Variants in PTP4A1 observed in about 807,000 individuals in gnomAD.
PTP4A1 encodes the protein protein tyrosine phosphatase type IVA 1.
PTP4A1 carries 9 observed loss-of-function variants against 20.5 expected under a neutral mutation model. The observed-to-expected ratio is 0.44, with a 90% confidence interval of 0.26 to 0.77. The LOEUF is 0.77. PTP4A1 is among the 30% of genes least tolerant of loss of function. The pLI is 0.19. For missense variants in PTP4A1, 137 were observed against 218.8 expected (o/e 0.63, Z 2.36); for synonymous variants, 78 against 67.4 (o/e 1.16, Z -0.77).
At chr6:63,559,570 C>A (rs1776846254) in intron 3 of PTP4A1, among the ~76,000 whole-genome samples, 1 of 151,988 alleles carries the variant, frequency 6.6e-6, no homozygotes, top group Non-Finnish European at 1.5e-5. Context: ...CATGGTGAAA[C>A]CCTGTCTCTA....
At chr6:63,520,662 TA>T (rs1458680527), upstream of PTP4A1, among the ~76,000 whole-genome samples, 41 of 150,436 alleles carry the variant, frequency 2.7e-4, no homozygotes, top group African/African-American at 1.0e-3. Context: ...AATAAATAAA[TA>T]AATAAATAAA....
intron 2 of PTP4A1, among the ~76,000 whole-genome samples, chr6:63,533,174 G>C (rs1468710399): frequency 6.6e-6 from 1 of 152,192 alleles, no homozygotes; most frequent in Non-Finnish European, 1.5e-5. Context: ...TTGAGGTCAC[G>C]AGTTCAATAC....
In PTP4A1 at chr6:63,576,554, C is replaced by A; in HGVS notation, c.-327C>A. The A allele has an allele frequency of 4.5e-6, 2 of 443,498 alleles. No individual in the cohort carries two copies. The highest frequency in any genetic ancestry group is 6.2e-5 in the South Asian group (1 of 16,234). The allele number at this position is 443,498 out of a possible 1,614,324, so 27.5% of individuals were successfully genotyped here. On this transcript the variant is annotated 5_prime_UTR_variant, in exon 2 of 6. Coordinates refer to ENST00000626021, the MANE Select transcript of PTP4A1 (RefSeq NM_003463.5). The stretch of plus-strand genomic sequence containing the variant: ...TGAACTGTAGAAACTGATTACTGCT[C>A]CACCAAGAAGCCCCCATAAGAGTGG...
In PTP4A1 at chr6:63,580,257, G is replaced by A. The variant is rs934725267; in HGVS notation, c.*83G>A. The A allele has an allele frequency of 8.6e-7, 1 of 1,157,702 alleles. No homozygotes were observed. The highest frequency in any genetic ancestry group is 1.3e-6 in the Non-Finnish European group (1 of 778,866). 71.7% of individuals were successfully genotyped at this position (1,157,702 alleles called of 1,614,324 possible). On this transcript the variant is annotated 3_prime_UTR_variant, in exon 6 of 6. Transcript: ENST00000626021. The stretch of plus-strand genomic sequence containing the variant: ...ACATATTAGCCAACATGTTGGCTTA[G>A]TAAGTCTAATGAAGCTTCCATAGGA...
chr6:63,538,089 A>T (rs1010182664), intron 2 of PTP4A1, among the ~76,000 whole-genome samples: 1 of 152,256 alleles, frequency 6.6e-6, no homozygotes, highest in East Asian at 1.9e-4. Flanking sequence ...AAAATTTTTT[A>T]AATTTGCTGA....
At chr6:63,561,793 A>G (rs1776963851) in intron 3 of PTP4A1, among the ~76,000 whole-genome samples, 1 of 152,246 alleles carries the variant, frequency 6.6e-6, no homozygotes, top group African/African-American at 2.4e-5. Flanking sequence ...ACACATTGAA[A>G]GTAAATTATA....
intron 3 of PTP4A1, chr6:63,550,561 CA>C (rs1776392488): frequency 6.6e-6 from 1 of 152,120 alleles, no homozygotes; most frequent in Non-Finnish European, 1.5e-5. Context: ...GGTTCGGGTG[CA>C]TATGTGATTA....
intron 2 of PTP4A1, among the ~76,000 whole-genome samples, chr6:63,534,452 A>AAC (rs61533550): frequency 0.4 from 57,656 of 144,328 alleles, 11,489 homozygotes; most frequent in African/African-American, 0.49. Flanking sequence ...CACACAGAGA[A>AAC]ACACACACAC....
chr6:63,549,146 T>C (rs1174033464), intron 2 of PTP4A1: 18 of 686,242 alleles, frequency 2.6e-5, no homozygotes, highest in African/African-American at 1.8e-4. Context: ...TGCCAGCAGC[T>C]TTCTTTTTGG....
chr6:63,531,847 A>C (rs1195754008), intron 2 of PTP4A1, among the ~76,000 whole-genome samples: 1 of 146,358 alleles, frequency 6.8e-6, no homozygotes, highest in Non-Finnish European at 1.5e-5. Context: ...TTTTTTTTTG[A>C]GACAGAGTCT....
intron 4 of PTP4A1, 50 bp downstream of exon 4, chr6:63,579,078 A>C: frequency 6.6e-7 from 1 of 1,506,494 alleles, no homozygotes. Flanking sequence ...TTGATAATGA[A>C]AATACAGAAA....
intron 2 of PTP4A1, among the ~76,000 whole-genome samples, chr6:63,542,161 G>C (rs1776008831): frequency 6.6e-6 from 1 of 151,926 alleles, no homozygotes; most frequent in African/African-American, 2.4e-5. Context: ...TCTAAGTGAA[G>C]TAACTCAGGA....
intron 3 of PTP4A1, among the ~76,000 whole-genome samples, chr6:63,558,528 A>T (rs1776786589): frequency 1.3e-5 from 2 of 152,210 alleles, no homozygotes; most frequent in Admixed American, 1.3e-4. Context: ...TGATAACAGT[A>T]AAATGAACAG....
At chr6:63,528,344 C>T (rs1775278331) in intron 2 of PTP4A1, among the ~76,000 whole-genome samples, 2 of 152,042 alleles carry the variant, frequency 1.3e-5, no homozygotes, top group Non-Finnish European at 1.5e-5. Context: ...ACCTGCAGTC[C>T]CAGCTACTCT....
intron 3 of PTP4A1, among the ~76,000 whole-genome samples, chr6:63,553,616 G>A (rs1776542500): frequency 6.6e-6 from 1 of 152,152 alleles, no homozygotes; most frequent in South Asian, 2.1e-4. Context: ...TCTAACTAAT[G>A]AATGACAGCT....
At chr6:63,539,333 A>G (rs910463531) in intron 2 of PTP4A1, among the ~76,000 whole-genome samples, 6 of 152,214 alleles carry the variant, frequency 3.9e-5, no homozygotes, top group Non-Finnish European at 7.3e-5. Context: ...GAAGGATTAA[A>G]CATTACAATG....
At chr6:63,542,033 GTGT>G (rs1776001895) in intron 2 of PTP4A1, among the ~76,000 whole-genome samples, 1 of 144,756 alleles carries the variant, frequency 6.9e-6, no homozygotes, top group African/African-American at 2.7e-5. Context: ...GTGTGTGTGT[GTGT>G]GTGTGTGTGT....
Position 63,528,427 on chromosome 6 carries a change from C to CT in PTP4A1, c.-640+356dup, listed in dbSNP as rs1298558548. Among the ~76,000 whole-genome samples the CT allele has an allele frequency of 5.1e-3, 734 of 144,532 alleles. 7 individuals are homozygous for CT. Among genetic ancestry groups the CT allele is most frequent in the African/African-American group, 0.014 (554 of 39,678 alleles). The allele number at this position is 144,532 out of a possible 152,430, so 94.8% of individuals were successfully genotyped here. ...CCTGGGAGACACAGTGAATCTCTGT[C>CT]TTTTTTTTTTTTTAAGGCCGGGTAC... On this transcript the variant is annotated intron_variant, in intron 2 of 3. Coordinates refer to the PTP4A1 transcript ENST00000639568.
upstream of PTP4A1, among the ~76,000 whole-genome samples, chr6:63,569,307 GTGCAGTGCCA>G (rs1186450349): frequency 6.6e-6 from 1 of 152,200 alleles, no homozygotes; most frequent in African/African-American, 2.4e-5. Context: ...CCAGGCTAGA[GTGCAGTGCCA>G]TGATCTCGGC....
Sources: gnomAD v4.1 joint callset for allele counts (sites outside exome capture counted in the v4.1 genomes callset) on GRCh38, gnomAD v4.1.1 for gene constraint, MANE v1.5 for transcripts, NCBI Gene and HGNC (gene_info 2026-07-23, HGNC 2026-07-21) for gene names.